The following AKAP19 variants were observed in gnomAD, a reference collection of about 807,000 sequenced individuals.
The protein encoded by AKAP19 is small A-kinase anchoring protein.
At chr2:189,890,197 G>T in the AKAP19 span, among the ~76,000 whole-genome samples, 2 of 152,278 alleles carry the variant, frequency 1.3e-5, no homozygotes, top group East Asian at 3.9e-4. Flanking sequence ...AGTCATTCAG[G>T]AGCAGGTTGT....
At chr2:190,094,963 G>A in the AKAP19 span, among the ~76,000 whole-genome samples, 1 of 152,232 alleles carries the variant, frequency 6.6e-6, no homozygotes, top group Non-Finnish European at 1.5e-5. Context: ...GGTGGCTCAC[G>A]CCGGTAATCC....
chr2:190,078,924 A>G, the AKAP19 span, among the ~76,000 whole-genome samples: 2 of 152,224 alleles, frequency 1.3e-5, no homozygotes, highest in Non-Finnish European at 2.9e-5. Flanking sequence ...AGCTAAATCT[A>G]TATGTACTGA....
chr2:190,107,323 T>G, the AKAP19 span, among the ~76,000 whole-genome samples: 1 of 152,182 alleles, frequency 6.6e-6, no homozygotes, highest in Non-Finnish European at 1.5e-5. Flanking sequence ...CTTGCTAAGA[T>G]AATAAATTTA....
At chr2:190,011,198 C>T in the AKAP19 span, among the ~76,000 whole-genome samples, 1 of 151,950 alleles carries the variant, frequency 6.6e-6, no homozygotes, top group South Asian at 2.1e-4. Flanking sequence ...GCTGGGATTA[C>T]AGGCACCTAC....
the AKAP19 span, among the ~76,000 whole-genome samples, chr2:190,139,902 A>T: frequency 6.6e-6 from 1 of 152,154 alleles, no homozygotes; most frequent in African/African-American, 2.4e-5. Flanking sequence ...TCCAAGTCCA[A>T]AGTCTCATCT....
At chr2:190,087,368 T>C in the AKAP19 span, among the ~76,000 whole-genome samples, 1 of 152,192 alleles carries the variant, frequency 6.6e-6, no homozygotes, top group Non-Finnish European at 1.5e-5. Context: ...ACATGCCCGT[T>C]GCTAGGGCCA....
At chr2:190,136,297 A>G in the AKAP19 span, among the ~76,000 whole-genome samples, 1 of 152,166 alleles carries the variant, frequency 6.6e-6, no homozygotes, top group Admixed American at 6.5e-5. Context: ...AATGGATGAA[A>G]GGAGTACTCA....
At chr2:190,085,654 A>G in the AKAP19 span, among the ~76,000 whole-genome samples, 6 of 152,352 alleles carry the variant, frequency 3.9e-5, no homozygotes, top group South Asian at 1.2e-3. Flanking sequence ...ATCACATAGT[A>G]TGAGCACGTT....
the AKAP19 span, among the ~76,000 whole-genome samples, chr2:189,966,359 G>A: frequency 1.3e-5 from 2 of 152,080 alleles, no homozygotes; most frequent in Non-Finnish European, 2.9e-5. Context: ...AATTAGTGCC[G>A]ATAGACTTGC....
At chr2:190,027,185 C>T in the AKAP19 span, among the ~76,000 whole-genome samples, 23 of 152,196 alleles carry the variant, frequency 1.5e-4, no homozygotes, top group African/African-American at 5.5e-4. Context: ...ATTTCTTGCC[C>T]CCAACCCTTG....
chr2:190,022,293 A>G, the AKAP19 span, among the ~76,000 whole-genome samples: 1 of 152,154 alleles, frequency 6.6e-6, no homozygotes, highest in African/African-American at 2.4e-5. Context: ...ACTGATATGC[A>G]AAAGATCATA....
At chr2:190,012,605 T>C in the AKAP19 span, among the ~76,000 whole-genome samples, 2 of 152,228 alleles carry the variant, frequency 1.3e-5, no homozygotes, top group African/African-American at 4.8e-5. Flanking sequence ...CCTTTTATAT[T>C]TATCTTGCCT....
At chr2:190,138,670 C>T in the AKAP19 span, among the ~76,000 whole-genome samples, 1 of 152,148 alleles carries the variant, frequency 6.6e-6, no homozygotes, top group Non-Finnish European at 1.5e-5. Context: ...CAGGGCACTC[C>T]ATCACATCTT....
chr2:189,959,069 A>AT, the AKAP19 span, among the ~76,000 whole-genome samples: 2 of 151,486 alleles, frequency 1.3e-5, no homozygotes, highest in African/African-American at 4.9e-5. Flanking sequence ...TTGTGATGTT[A>AT]TTTTTTTTCT....
chr2:189,927,061 T>A, the AKAP19 span, among the ~76,000 whole-genome samples: 3 of 151,936 alleles, frequency 2.0e-5, no homozygotes, highest in Non-Finnish European at 2.9e-5. Context: ...TTTTTTTTAT[T>A]TTTATTTTTT....
the AKAP19 span, among the ~76,000 whole-genome samples, chr2:189,889,294 G>A: frequency 1.3e-5 from 2 of 152,156 alleles, no homozygotes; most frequent in Non-Finnish European, 2.9e-5. Flanking sequence ...CGACTTGATC[G>A]TGTTGGATAA....
chr2:190,049,251 G>A, the AKAP19 span, among the ~76,000 whole-genome samples: 1 of 151,728 alleles, frequency 6.6e-6, no homozygotes, highest in South Asian at 2.1e-4. Context: ...AAGGATAAAA[G>A]CAATTACTAG....
At chr2:189,951,324 C>T in the AKAP19 span, among the ~76,000 whole-genome samples, 1 of 151,782 alleles carries the variant, frequency 6.6e-6, no homozygotes, top group Non-Finnish European at 1.5e-5. Flanking sequence ...GCCTCAGCCT[C>T]CCAAGTAGCT....
the AKAP19 span, chr2:190,180,335 C>A: frequency 2.2e-6 from 1 of 448,182 alleles, no homozygotes; most frequent in Non-Finnish European, 2.9e-6. This position sits in a 1 kb window ranked among gnomAD's most constrained non-coding sequence, Gnocchi z 6.8. Flanking sequence ...TGCCCCGGCC[C>A]AGCACCTGTT....
Sources: allele counts gnomAD v4.1 joint callset (sites outside exome capture counted in the v4.1 genomes callset), GRCh38; gene constraint gnomAD v4.1.1; non-coding constraint Gnocchi (gnomAD v3.1); transcripts MANE v1.5; gene names NCBI Gene and HGNC (gene_info 2026-07-23, HGNC 2026-07-21).